The following SYNPO2 variants were observed in gnomAD, a reference collection of about 807,000 sequenced individuals.
SYNPO2 encodes synaptopodin-2.
SYNPO2 carries 56 observed loss-of-function variants against 85.0 expected under a neutral mutation model. The observed-to-expected ratio is 0.66, with a 90% CI of 0.53 to 0.82. The LOEUF is 0.82. Ranked by LOEUF, SYNPO2 falls within the 40% of genes least tolerant of loss-of-function variation. The probability of loss-of-function intolerance (pLI) is 0.00; values close to 1 mark genes in which losing one functional copy is unlikely to be tolerated. For missense variants in SYNPO2, 1,575 were observed against 1,534.2 expected (o/e 1.03, Z -0.44); for synonymous variants, 602 against 591.1 (o/e 1.02, Z -0.27).
intron 4 of SYNPO2, chr4:119,042,844 T>C (rs982198101): frequency 6.6e-6 from 1 of 152,206 alleles, no homozygotes; most frequent in Non-Finnish European, 1.5e-5. Flanking sequence ...GGCACTAAAG[T>C]TTATTTCTAA....
chr4:118,978,296 T>C (rs918901461), intron 1 of SYNPO2, among the ~76,000 whole-genome samples: 3 of 152,212 alleles, frequency 2.0e-5, no homozygotes, highest in African/African-American at 7.2e-5. Flanking sequence ...ATTGATTGAA[T>C]TACTGTATCT....
chr4:118,927,920 C>A (rs772595813), intron 1 of SYNPO2, among the ~76,000 whole-genome samples: 18 of 152,146 alleles, frequency 1.2e-4, no homozygotes, highest in Non-Finnish European at 2.5e-4. Flanking sequence ...CTGTGTTGAT[C>A]TACACAGATT....
At chr4:118,966,169 G>A (rs1735311083) in intron 1 of SYNPO2, among the ~76,000 whole-genome samples, 1 of 152,112 alleles carries the variant, frequency 6.6e-6, no homozygotes, top group African/African-American at 2.4e-5. Flanking sequence ...GGACTCACGG[G>A]CAAAAGTTGG....
chr4:118,988,687 A>G (rs28433502), intron 1 of SYNPO2, among the ~76,000 whole-genome samples: 11 of 152,342 alleles, frequency 7.2e-5, no homozygotes, highest in African/African-American at 2.6e-4. Context: ...AATTGACATT[A>G]TGATGAGGAG....
intron 1 of SYNPO2, among the ~76,000 whole-genome samples, chr4:118,971,275 G>A (rs1377942836): frequency 1.3e-5 from 2 of 152,156 alleles, no homozygotes; most frequent in South Asian, 2.1e-4. Context: ...AAAACAAAGC[G>A]AACCCATGAC....
chr4:119,052,332 TTCC>T (rs1261909774), intron 4 of SYNPO2, among the ~76,000 whole-genome samples: 1 of 152,082 alleles, frequency 6.6e-6, no homozygotes, highest in Non-Finnish European at 1.5e-5. Flanking sequence ...GGTAGACAGC[TTCC>T]TAAGGGAGCA....
chr4:118,868,379 T>C (rs1484539911), intron 1 of SYNPO2, among the ~76,000 whole-genome samples: 1 of 152,152 alleles, frequency 6.6e-6, no homozygotes, highest in Non-Finnish European at 1.5e-5. Context: ...TGTCAATTTG[T>C]GCAAATTTTC....
At chr4:118,924,438 G>T (rs1479809240) in intron 1 of SYNPO2, among the ~76,000 whole-genome samples, 2 of 152,110 alleles carry the variant, frequency 1.3e-5, no homozygotes, top group African/African-American at 4.8e-5. Flanking sequence ...CCCTTAAGAG[G>T]GTGGAAATAT....
chr4:118,933,498 T>G (rs1326019932), intron 1 of SYNPO2, among the ~76,000 whole-genome samples: 3 of 152,208 alleles, frequency 2.0e-5, no homozygotes, highest in Non-Finnish European at 2.9e-5. Context: ...AAGGTTGATA[T>G]TACTATTTAG....
At chr4:119,021,450 G>A (rs1331322059) in intron 1 of SYNPO2, among the ~76,000 whole-genome samples, 3 of 150,476 alleles carry the variant, frequency 2.0e-5, no homozygotes, top group African/African-American at 7.3e-5. Flanking sequence ...AGGCTCAGAA[G>A]CTTTATTTTA....
rs760115636 is a variant in SYNPO2, at chr4:119,030,546, C to A, written c.1771C>A (p.Pro591Thr). ...GGTCCCCATGAATAGAACGGCCAAACCCTTCCCAGGGTCTGTGAATCAGCC... is the reference window on the plus strand; with the variant it reads ...GGTCCCCATGAATAGAACGGCCAAAACCTTCCCAGGGTCTGTGAATCAGCC... The part of the protein sequence containing the change: ...RMVPMNRTAK[P>T]FPGSVNQPAT... The change falls in exon 4 of 5, where the codon CCC (proline) becomes ACC (threonine). Residue 591 changes from proline (P) to threonine (T), a missense_variant. Pro to Thr is a conservative substitution (Grantham distance 38, BLOSUM62 -1). Transcript: ENST00000307142. 6.2e-7 allele frequency: 1 copy of A among 1,614,208 alleles called. No individual in the cohort carries two copies. Among genetic ancestry groups the A allele is most frequent in the East Asian group, 2.2e-5 (1 of 44,868 alleles).
At chr4:118,981,799 A>G (rs1248564997) in intron 1 of SYNPO2, among the ~76,000 whole-genome samples, 6 of 152,204 alleles carry the variant, frequency 3.9e-5, no homozygotes, top group Non-Finnish European at 7.3e-5. Context: ...CTTGGGAAAT[A>G]AAGGCTTCCT....
chr4:118,880,746 C>CA (rs11348298), intron 1 of SYNPO2, among the ~76,000 whole-genome samples: 93 of 131,808 alleles, frequency 7.1e-4, no homozygotes, highest in South Asian at 2.8e-3. Context: ...GACTCTGTCC[C>CA]AAAAAAAAAA....
chr4:119,008,854 C>T (rs1255120050), intron 1 of SYNPO2, among the ~76,000 whole-genome samples: 1 of 151,942 alleles, frequency 6.6e-6, no homozygotes, highest in African/African-American at 2.4e-5. Context: ...TAGAAGATGC[C>T]ATATTATTTA....
chr4:118,902,690 A>G (rs2149119868), intron 1 of SYNPO2, among the ~76,000 whole-genome samples: 1 of 152,358 alleles, frequency 6.6e-6, no homozygotes, highest in East Asian at 1.9e-4. Context: ...CAATTCTGAT[A>G]CAAATAATAT....
intron 1 of SYNPO2, among the ~76,000 whole-genome samples, chr4:118,991,243 G>A (rs1304854011): frequency 6.6e-6 from 1 of 152,092 alleles, no homozygotes. Flanking sequence ...TGCTTCCCAG[G>A]TTCAAGCAAT....
intron 4 of SYNPO2, among the ~76,000 whole-genome samples, chr4:119,048,233 G>C (rs1738929641): frequency 6.6e-6 from 1 of 152,220 alleles, no homozygotes; most frequent in African/African-American, 2.4e-5. Context: ...GGTGGGGATA[G>C]TTCTGTTTGT....
At chr4:118,890,733 C>CTCTCTGTGTGTG (rs749295331) in intron 1 of SYNPO2, among the ~76,000 whole-genome samples, 56 of 126,222 alleles carry the variant, frequency 4.4e-4, no homozygotes, top group East Asian at 1.8e-3. Context: ...CTCTCTCTCT[C>CTCTCTGTGTGTG]TGTGTGTGTG....
At chr4:119,055,341 G>C (rs1347888493) in intron 4 of SYNPO2, among the ~76,000 whole-genome samples, 2 of 152,100 alleles carry the variant, frequency 1.3e-5, no homozygotes, top group Non-Finnish European at 2.9e-5. Context: ...TTTTAGTAGA[G>C]ATGGGGTTTC....
Sources: allele counts gnomAD v4.1 joint callset (sites outside exome capture counted in the v4.1 genomes callset), GRCh38; gene constraint gnomAD v4.1.1; transcripts MANE v1.5; gene names NCBI Gene and HGNC (gene_info 2026-07-23, HGNC 2026-07-21).